KIR3DL2: variants seen among roughly 807,000 people sequenced by gnomAD.
KIR3DL2 encodes the protein killer cell immunoglobulin-like receptor 3DL2.
In KIR3DL2, 42 loss-of-function variants were observed where a neutral mutation model predicts 41.6. That is an observed-to-expected ratio of 1.01 (90% CI 0.79 to 1.31). The LOEUF is 1.31. Ranked by LOEUF, KIR3DL2 falls within the 50% of genes most tolerant of loss-of-function variation. The pLI, the probability that KIR3DL2 is intolerant of heterozygous loss-of-function variation, is 0.00. For missense variants in KIR3DL2, 728 were observed against 576.8 expected, an observed-to-expected ratio of 1.26 and a Z score of -2.68; for synonymous variants, 230 against 221.3, an observed-to-expected ratio of 1.04 and a Z score of -0.35.
chr19:54,862,404 G>A (rs1253035954), intron 6 of KIR3DL2, among the ~76,000 whole-genome samples: 1 of 152,002 alleles, frequency 6.6e-6, no homozygotes, highest in East Asian at 1.9e-4. Flanking sequence ...CTGCACCTGG[G>A]CCTATGCCAA....
At chr19:54,858,131 G>A (rs1569524088) in intron 5 of KIR3DL2, among the ~76,000 whole-genome samples, 2 of 151,466 alleles carry the variant, frequency 1.3e-5, no homozygotes, top group South Asian at 4.2e-4. Flanking sequence ...ATCTTTGGTG[G>A]TGCAGAAGTT....
At chr19:54,857,083 T>C (rs1463119073) in intron 5 of KIR3DL2, among the ~76,000 whole-genome samples, 2 of 138,534 alleles carry the variant, frequency 1.4e-5, no homozygotes, top group East Asian at 4.1e-4. Flanking sequence ...CTATGAAAGT[T>C]CTCTTTTTTT....
chr19:54,858,949 A>G (rs370604737), intron 5 of KIR3DL2, 130 bp from the exon 6 acceptor site: 30,289 of 966,134 alleles, frequency 0.031, 897 homozygotes, highest in African/African-American at 0.1. Flanking sequence ...TTATGGAGAA[A>G]AGGATCCCAA....
Position 54,858,311 on chromosome 19 carries a change from T to G in KIR3DL2, c.950-768T>G, listed in dbSNP as rs372970420. Among the ~76,000 whole-genome samples the G allele has an allele frequency of 2.8e-4, 43 of 151,150 alleles. 2 individuals carry two copies. The highest frequency in any genetic ancestry group is 9.6e-4 in the African/African-American group (39 of 40,800). ...TGTTTTTAATCCATTTTCATTTGAT[T>G]TTTGTGTAAGGTGACAGGTATAGAT... On this transcript the variant is annotated intron_variant, in intron 5 of 8. Transcript: ENST00000326321.
intron 4 of KIR3DL2, among the ~76,000 whole-genome samples, chr19:54,854,808 C>T (rs1429081150): frequency 4.0e-5 from 6 of 151,464 alleles, no homozygotes; most frequent in Non-Finnish European, 7.4e-5. Context: ...GAGAAAAGCC[C>T]CAAAATCAGA....
In KIR3DL2 at chr19:54,866,426, G is replaced by A; in HGVS notation, c.1158+4G>A. 6.2e-7 allele frequency: 1 copy of A among 1,613,950 alleles called. No individual in the cohort carries two copies. The highest frequency in any genetic ancestry group is 8.5e-7 in the Non-Finnish European group (1 of 1,179,956). On this transcript the variant is annotated splice_donor_region_variant and intron_variant, in intron 8 of 8. Transcript: ENST00000326321. ...GGACAGAACAGTGAATAGGCAGGTA[G>A]GTCCTCCTCGGCCCAGCCTCACGGA...
Position 54,852,240 on chromosome 19 carries a change from G to A in KIR3DL2, c.313G>A (p.Gly105Arg). 3.1e-6 allele frequency: 5 copies of A among 1,610,924 alleles called. No homozygotes were observed. The highest frequency in any genetic ancestry group is 4.2e-6 in the Non-Finnish European group (5 of 1,178,460). Residue 105 changes from glycine to arginine, a missense_variant, in exon 3 of 9, where the codon GGG becomes AGG. Physicochemically the swap from Gly to Arg is moderately radical, Grantham distance 125. Transcript: ENST00000326321. ...CRGSRPHSLT[G>R]WSAPSNPLVI... ...GGGTTCACGCCCACACTCCCTCACT[G>A]GGTGGTCGGCACCCAGCAACCCCCT...
rs771100828 is a variant in KIR3DL2 at position 54,853,820 on chromosome 19, A to G, written c.429A>G (p.Gln143=). ...LLKSGETVIL[Q]CWSDVMFEHF... is the part of the protein sequence containing the mutation. ...AATCAGGAGAGACAGTCATCCTGCAATGTTGGTCAGATGTCATGTTTGAGC... is the reference window on the plus strand; with the variant it reads ...AATCAGGAGAGACAGTCATCCTGCAGTGTTGGTCAGATGTCATGTTTGAGC... The change falls in exon 4 of 9, where the codon CAA becomes CAG. Residue 143 remains glutamine, a synonymous_variant. Transcript: ENST00000326321. 2.2e-4 allele frequency: 361 copies of G among 1,612,774 alleles called. 2 individuals carry two copies. The highest frequency in any genetic ancestry group is 8.3e-4 in the Middle Eastern group (5 of 6,058).
At position 54,863,808 on chromosome 19, in the gene KIR3DL2, T is replaced by C. The variant is rs930083435; in HGVS notation, c.1001-1997T>C. On this transcript the variant is annotated intron_variant, in intron 6 of 8. Coordinates refer to ENST00000326321, the MANE Select transcript of KIR3DL2 (RefSeq NM_006737.4). ...AAATTTTCTCCCATTTTGTAGGTTG[T>C]CTGTTCACTCTGATGGTAGTTTCTT... Among the ~76,000 whole-genome samples, 11 of 152,006 alleles carry C rather than the reference T, an allele frequency of 7.2e-5. 1 individual carries two copies. The highest frequency in any genetic ancestry group is 1.3e-4 in the Non-Finnish European group (9 of 67,982).
chr19:54,863,291 T>C (rs1317244172), intron 6 of KIR3DL2, among the ~76,000 whole-genome samples: 1 of 151,990 alleles, frequency 6.6e-6, no homozygotes, highest in East Asian at 1.9e-4. Flanking sequence ...GTCTTTGCTA[T>C]TGTGAATAGT....
intron 6 of KIR3DL2, among the ~76,000 whole-genome samples, chr19:54,865,596 T>C (rs575666006): frequency 6.6e-6 from 1 of 152,124 alleles, no homozygotes; most frequent in Admixed American, 6.5e-5. Flanking sequence ...GGGTCAAACA[T>C]CTAAACTAAA....
chr19:54,851,577 G>A (rs1256532256), intron 2 of KIR3DL2, among the ~76,000 whole-genome samples: 3 of 151,462 alleles, frequency 2.0e-5, no homozygotes, highest in Non-Finnish European at 2.9e-5. Flanking sequence ...ACCCTCCAGC[G>A]TTTCCGTGAC....
Position 54,854,037 on chromosome 19 carries a change from G to A in KIR3DL2, c.646G>A (p.Val216Met), listed in dbSNP as rs370750969. The change falls in exon 4 of 9, where the codon GTG becomes ATG. Residue 216 changes from valine (V) to methionine (M), a missense_variant. Coordinates refer to ENST00000326321, the MANE Select transcript of KIR3DL2 (RefSeq NM_006737.4). Reference protein sequence around the residue: ...LSAPSDPLDIVITGLYEKPSL... With the variant: ...LSAPSDPLDIMITGLYEKPSL... ...AGCTCCCAGTGACCCCCTGGACATCGTGATCACAGGTGAGAGTGTCCAGAC... is the reference window on the plus strand; with the variant it reads ...AGCTCCCAGTGACCCCCTGGACATCATGATCACAGGTGAGAGTGTCCAGAC... 3.8e-5 allele frequency: 62 copies of A among 1,612,426 alleles called. 2 individuals carry two copies. The African/African-American group carries it at 5.8e-4, about 15-fold the overall frequency.
intron 6 of KIR3DL2, among the ~76,000 whole-genome samples, chr19:54,864,640 A>G (rs1022156680): frequency 8.5e-5 from 13 of 152,130 alleles, no homozygotes; most frequent in Admixed American, 5.9e-4. Flanking sequence ...GAGTTCACTC[A>G]TGATTTGGCT....
rs2064984231 is a variant in KIR3DL2 at position 54,858,924 on chromosome 19, C to T, written c.950-155C>T. ...TACCTTCAAGTCTCAAGACAGTGGGCATCGCACACAAAAATTATGGAGAAA... is the reference window on the plus strand; with the variant it reads ...TACCTTCAAGTCTCAAGACAGTGGGTATCGCACACAAAAATTATGGAGAAA... On this transcript the variant is annotated intron_variant, in intron 5 of 8. Coordinates refer to ENST00000326321, the MANE Select transcript of KIR3DL2 (RefSeq NM_006737.4). Among the ~76,000 whole-genome samples, 4 of 151,130 alleles carry T rather than the reference C, an allele frequency of 2.6e-5. No individual in the cohort carries two copies. In the South Asian group the frequency reaches 8.4e-4, roughly 32 times the overall value.
chr19:54,853,981 G>C lies in KIR3DL2; in HGVS notation c.590G>C (p.Gly197Ala). The C allele has an allele frequency of 1.2e-6, 2 of 1,613,330 alleles. No individual in the cohort carries two copies. The highest frequency in any genetic ancestry group is 1.7e-6 in the Non-Finnish European group (2 of 1,179,834). ...CTTGCAGGAACCTACAGATGTTATG[G>C]TTCTGTTCCTCACTCCCCCTATCAG... ...PVLAGTYRCYGSVPHSPYQLS... is the reference protein window; with the variant it reads ...PVLAGTYRCYASVPHSPYQLS... The change falls in exon 4 of 9, where the codon GGT becomes GCT. Residue 197 changes from glycine (G) to alanine (A), a missense_variant. Physicochemically the swap from Gly to Ala is moderately conservative, Grantham distance 60. Coordinates refer to ENST00000326321, the MANE Select transcript of KIR3DL2 (RefSeq NM_006737.4).
chr19:54,863,255 T>C (rs1476246021), intron 6 of KIR3DL2, among the ~76,000 whole-genome samples: 2 of 151,972 alleles, frequency 1.3e-5, no homozygotes, highest in African/African-American at 4.8e-5. Context: ...CAGTCTATCA[T>C]TGTTGGACAT....
In KIR3DL2 at chr19:54,855,736, A is replaced by C; in HGVS notation, c.773A>C (p.Glu258Ala). Residue 258 changes from glutamate to alanine, a missense_variant, in exon 5 of 9, where the codon GAA becomes GCA. By Grantham distance (107) the Glu-to-Ala change is moderately radical. Transcript: ENST00000326321. ...SSYDIYHLSR[E>A]GEAHERRLRA... ...TATGACATCTACCATCTGTCCAGGG[A>C]AGGGGAGGCCCATGAACGTAGGCTC... 3.1e-6 allele frequency: 5 copies of C among 1,613,512 alleles called. No homozygotes were observed. Among genetic ancestry groups the C allele is most frequent in the Non-Finnish European group, 4.2e-6 (5 of 1,179,948 alleles).
intron 5 of KIR3DL2, among the ~76,000 whole-genome samples, chr19:54,856,394 T>TTA (rs1219880036): frequency 6.6e-6 from 1 of 151,786 alleles, no homozygotes; most frequent in East Asian, 1.9e-4. Context: ...ATAAATACCT[T>TTA]TATATGCTGG....
Sources: gnomAD v4.1 joint callset for allele counts (sites outside exome capture counted in the v4.1 genomes callset) on GRCh38, gnomAD v4.1.1 for gene constraint, MANE v1.5 for transcripts, NCBI Gene and HGNC (gene_info 2026-07-23, HGNC 2026-07-21) for gene names.